SMARCC1: variants seen among roughly 807,000 people sequenced by gnomAD.
SMARCC1 encodes SWI/SNF related BAF chromatin remodeling complex subunit C1.
A neutral mutation model predicts 147.4 loss-of-function variants in SMARCC1; 43 were observed. The observed-to-expected ratio is 0.29, with a 90% CI of 0.23 to 0.38. SMARCC1 has a LOEUF of 0.38. Among genes scored for constraint, SMARCC1 ranks in the 10% least tolerant of loss-of-function variants. SMARCC1 has a pLI of 1.00. For synonymous variants in SMARCC1, 495 were observed against 484.4 expected, an observed-to-expected ratio of 1.02 and a Z score of -0.29; for missense variants, 1,119 against 1,381.1, an observed-to-expected ratio of 0.81 and a Z score of 3.01.
At chr3:47,700,672 G>T (rs1356486035) in intron 11 of SMARCC1, among the ~76,000 whole-genome samples, 1 of 152,026 alleles carries the variant, frequency 6.6e-6, no homozygotes, top group Non-Finnish European at 1.5e-5. Flanking sequence ...TTACAGGCAC[G>T]CACCACCATG....
chr3:47,590,745 T>C lies in SMARCC1; in HGVS notation c.3136A>G (p.Ser1046Gly). The C allele has an allele frequency of 6.2e-7, 1 of 1,603,644 alleles. No individual in the cohort carries two copies. ...GGCATGCCAGGAGGGGTAGGGCCAC[T>C]CCCAGAGGGGTGGATGTTGGCTGCA... The part of the protein sequence containing the change: ...TVAANIHPSG[S>G]GPTPPGMPPM... Residue 1046 changes from serine to glycine, a missense_variant, in exon 27 of 28, where the codon AGT becomes GGT. Coordinates refer to ENST00000254480, the MANE Select transcript of SMARCC1 (RefSeq NM_003074.4).
intron 2 of SMARCC1, among the ~76,000 whole-genome samples, chr3:47,764,354 G>GTA (rs2034810527): frequency 6.6e-6 from 1 of 152,116 alleles, no homozygotes; most frequent in African/African-American, 2.4e-5. Context: ...ACTGTTCACT[G>GTA]TACATTGGCC....
At chr3:47,726,706 C>A (rs984855437) in intron 6 of SMARCC1, among the ~76,000 whole-genome samples, 1 of 152,160 alleles carries the variant, frequency 6.6e-6, no homozygotes, top group Non-Finnish European at 1.5e-5. Flanking sequence ...AGACATTACA[C>A]TAAGCAAAAC....
chr3:47,662,301 T>C (rs1314524322), intron 20 of SMARCC1, 33 bp downstream of exon 20: 2 of 1,581,414 alleles, frequency 1.3e-6, no homozygotes, highest in Non-Finnish European at 1.7e-6. Context: ...ACTGAGTTTT[T>C]CTGTTGAGGA....
intron 8 of SMARCC1, among the ~76,000 whole-genome samples, chr3:47,711,249 C>G (rs936541250): frequency 6.6e-6 from 1 of 152,274 alleles, no homozygotes; most frequent in African/African-American, 2.4e-5. Flanking sequence ...ACATGGTGCT[C>G]TAGGTAGGAA....
At chr3:47,755,784 A>G (rs949178956) in intron 2 of SMARCC1, among the ~76,000 whole-genome samples, 4 of 151,576 alleles carry the variant, frequency 2.6e-5, no homozygotes, top group Non-Finnish European at 5.9e-5. Context: ...CAAGGTCAGG[A>G]GTTCGAGACC....
intron 3 of SMARCC1, among the ~76,000 whole-genome samples, chr3:47,743,359 C>T (rs982956553): frequency 2.0e-5 from 3 of 152,168 alleles, no homozygotes; most frequent in African/African-American, 7.2e-5. Flanking sequence ...AATTCTTATT[C>T]CTGACAATGC....
intron 13 of SMARCC1, among the ~76,000 whole-genome samples, chr3:47,688,600 C>T (rs1475201218): frequency 2.6e-5 from 4 of 152,166 alleles, no homozygotes. Context: ...TTAAATCTAA[C>T]ATGTTCCAAA....
intron 2 of SMARCC1, among the ~76,000 whole-genome samples, chr3:47,765,269 A>C (rs1482632883): frequency 6.7e-6 from 1 of 150,346 alleles, no homozygotes; most frequent in Non-Finnish European, 1.5e-5. Context: ...AAAACATACA[A>C]AAAAAAAAAC....
At chr3:47,756,455 C>T (rs530308231) in intron 2 of SMARCC1, among the ~76,000 whole-genome samples, 11 of 149,406 alleles carry the variant, frequency 7.4e-5, no homozygotes, top group South Asian at 4.2e-4. Context: ...ATCACTTGAA[C>T]CCGGGAGGCG....
chr3:47,747,963 G>C (rs1227420285), intron 2 of SMARCC1, among the ~76,000 whole-genome samples: 3 of 151,642 alleles, frequency 2.0e-5, no homozygotes, highest in Admixed American at 6.6e-5. Context: ...TTTGCCACCA[G>C]CACGGCCAAC....
intron 18 of SMARCC1, among the ~76,000 whole-genome samples, chr3:47,671,196 A>AAAAAAAAAAAAAAACAAAAAAAAAAAAAC (rs753672169): frequency 1.2e-5 from 1 of 81,144 alleles, no homozygotes; most frequent in African/African-American, 4.0e-5. Context: ...AAAAAAAAAA[A>AAAAAAAAAAAAAAACAAAAAAAAAAAAAC]AACACACACA....
chr3:47,616,004 A>G (rs1475828110), intron 25 of SMARCC1, among the ~76,000 whole-genome samples: 1 of 152,208 alleles, frequency 6.6e-6, no homozygotes, highest in Non-Finnish European at 1.5e-5. Flanking sequence ...TAAAATTTCT[A>G]TACCTAGCCA....
At chr3:47,640,875 C>A (rs1399483746) in intron 21 of SMARCC1, among the ~76,000 whole-genome samples, 2 of 151,890 alleles carry the variant, frequency 1.3e-5, no homozygotes, top group Non-Finnish European at 2.9e-5. Context: ...ATATGTTTAA[C>A]AAGAAAATCT....
chr3:47,655,786 T>TA (rs2033253250), intron 21 of SMARCC1, among the ~76,000 whole-genome samples: 1 of 152,102 alleles, frequency 6.6e-6, no homozygotes, highest in East Asian at 1.9e-4. Context: ...ACCAGTGAGA[T>TA]AAAGATGGAA....
At chr3:47,744,160 A>T (rs1041195384) in intron 3 of SMARCC1, among the ~76,000 whole-genome samples, 2 of 152,044 alleles carry the variant, frequency 1.3e-5, no homozygotes, top group Non-Finnish European at 2.9e-5. Context: ...ACTTTAGTCA[A>T]TATCTTTTTT....
intron 21 of SMARCC1, among the ~76,000 whole-genome samples, chr3:47,640,311 CGTT>C (rs1386510738): frequency 1.3e-5 from 2 of 151,622 alleles, no homozygotes; most frequent in Non-Finnish European, 2.9e-5. Context: ...TATTCCCAAA[CGTT>C]GGTTCTTTCA....
chr3:47,601,706 T>C (rs1460600811), intron 26 of SMARCC1: 2 of 151,712 alleles, frequency 1.3e-5, no homozygotes, highest in Admixed American at 6.6e-5. Context: ...TTCTTTTTTT[T>C]TTTTTTTGAG....
intron 20 of SMARCC1, among the ~76,000 whole-genome samples, chr3:47,662,073 C>A (rs2033354141): frequency 6.6e-6 from 1 of 151,554 alleles, no homozygotes; most frequent in African/African-American, 2.4e-5. Context: ...CGGCTCACTG[C>A]AACCTCTGCC....
Sources: allele counts gnomAD v4.1 joint callset (sites outside exome capture counted in the v4.1 genomes callset), GRCh38; gene constraint gnomAD v4.1.1; transcripts MANE v1.5; gene names NCBI Gene and HGNC (gene_info 2026-07-23, HGNC 2026-07-21).